TAFA5: variants seen among roughly 807,000 people sequenced by gnomAD.
The protein encoded by TAFA5 is TAFA chemokine like family member 5.
In TAFA5, 6 loss-of-function variants were observed where a neutral mutation model predicts 15.3. The observed-to-expected ratio is 0.39, with a 90% CI of 0.21 to 0.77. The LOEUF (loss-of-function observed/expected upper bound fraction) is 0.77. Among genes scored for constraint, TAFA5 ranks in the 30% least tolerant of loss-of-function variants. TAFA5 has a pLI of 0.41. For missense variants in TAFA5, 161 were observed against 193.1 expected, an observed-to-expected ratio of 0.83 and a Z score of 0.98; for synonymous variants, 103 against 80.7, an observed-to-expected ratio of 1.28 and a Z score of -1.48.
chr22:48,646,656 C>G lies in TAFA5; in HGVS notation c.172C>G (p.Arg58Gly). 1 of 1,612,330 alleles carries G rather than the reference C, an allele frequency of 6.2e-7. No homozygotes were observed. Among genetic ancestry groups the G allele is most frequent in the Non-Finnish European group, 8.5e-7 (1 of 1,179,752 alleles). Reference protein sequence around the residue: ...VTLDRDSSQPRRTIARQTARC... With the variant: ...VTLDRDSSQPGRTIARQTARC... ...CTTGGACCGGGACAGCAGCCAGCCTCGGAGGACGATCGCCCGGCAGACCGC... is the reference window on the plus strand; with the variant it reads ...CTTGGACCGGGACAGCAGCCAGCCTGGGAGGACGATCGCCCGGCAGACCGC... Residue 58 changes from arginine (R) to glycine (G), a missense_variant, in exon 2 of 4, where the codon CGG (arginine) becomes GGG (glycine). Transcript: ENST00000402357.
chr22:48,494,501 G>C (rs1283080280), intron 1 of TAFA5, among the ~76,000 whole-genome samples: 2 of 152,226 alleles, frequency 1.3e-5, no homozygotes, highest in African/African-American at 2.4e-5. Flanking sequence ...CTGTTTGTTA[G>C]GAGAACTGTC....
intron 1 of TAFA5, among the ~76,000 whole-genome samples, chr22:48,609,395 G>C (rs537308627): frequency 1.3e-5 from 2 of 152,308 alleles, no homozygotes; most frequent in East Asian, 1.9e-4. Context: ...ATTGTCTGTG[G>C]TGTGAGACCT....
chr22:48,693,250 A>G lies in TAFA5; in HGVS notation c.263-14467A>G, dbSNP rs536125175. The G allele has an allele frequency of 3.3e-5, 51 of 1,545,028 alleles. 1 individual carries two copies. The South Asian group carries it at 5.8e-4, about 18-fold the overall frequency. ...AGCCTGGCAGGATGAGTCCAGAGCCATGAAAATGCTCAGACCTTTTCATCC... is the reference window on the plus strand; with the variant it reads ...AGCCTGGCAGGATGAGTCCAGAGCCGTGAAAATGCTCAGACCTTTTCATCC... On this transcript the variant is annotated intron_variant, in intron 2 of 3. Coordinates refer to ENST00000402357, the MANE Select transcript of TAFA5 (RefSeq NM_001082967.3).
chr22:48,739,836 C>T (rs1479716158), intron 3 of TAFA5, among the ~76,000 whole-genome samples: 1 of 152,140 alleles, frequency 6.6e-6, no homozygotes, highest in East Asian at 1.9e-4. Flanking sequence ...CCTCCCCGTG[C>T]ATTTGCCGTG....
chr22:48,633,319 G>T (rs1035020506), intron 1 of TAFA5, among the ~76,000 whole-genome samples: 1 of 152,212 alleles, frequency 6.6e-6, no homozygotes, highest in African/African-American at 2.4e-5. Flanking sequence ...GCAGGTGGTC[G>T]TTGCACAGAT....
At chr22:48,673,015 C>G (rs931190978) in intron 2 of TAFA5, among the ~76,000 whole-genome samples, 3 of 152,204 alleles carry the variant, frequency 2.0e-5, no homozygotes, top group African/African-American at 7.2e-5. Flanking sequence ...GACCCCAAGG[C>G]TGATGGCACA....
chr22:48,628,284 GC>G (rs1040354875), intron 1 of TAFA5, among the ~76,000 whole-genome samples: 1 of 152,216 alleles, frequency 6.6e-6, no homozygotes, highest in African/African-American at 2.4e-5. Flanking sequence ...ACGGGACCCA[GC>G]TTGTGGGGGT....
At chr22:48,744,834 A>C (rs1235863698) in intron 3 of TAFA5, among the ~76,000 whole-genome samples, 1 of 151,984 alleles carries the variant, frequency 6.6e-6, no homozygotes, top group Middle Eastern at 3.2e-3. Context: ...ATCTCGGCTC[A>C]CTGCAACCTC....
At chr22:48,727,737 AAAAT>A (rs1383220598) in intron 3 of TAFA5, among the ~76,000 whole-genome samples, 2 of 152,252 alleles carry the variant, frequency 1.3e-5, no homozygotes, top group African/African-American at 2.4e-5. Flanking sequence ...TTAAAAGCAA[AAAAT>A]AAATAAAGAT....
At chr22:48,721,565 T>G (rs1171376937) in intron 3 of TAFA5, among the ~76,000 whole-genome samples, 1 of 152,214 alleles carries the variant, frequency 6.6e-6, no homozygotes, top group East Asian at 1.9e-4. Context: ...GAAAACCTGT[T>G]TTTCTCCTAT....
chr22:48,684,282 T>C (rs1928286770), intron 2 of TAFA5, among the ~76,000 whole-genome samples: 1 of 151,858 alleles, frequency 6.6e-6, no homozygotes, highest in Non-Finnish European at 1.5e-5. Context: ...CTTTGGAGGC[T>C]TTGTGGGGTA....
chr22:48,691,184 C>T (rs13053530), intron 2 of TAFA5, among the ~76,000 whole-genome samples: 2 of 152,168 alleles, frequency 1.3e-5, no homozygotes, highest in African/African-American at 4.8e-5. Context: ...TGTGGGCTTC[C>T]TAAGCTCAAG....
intron 3 of TAFA5, among the ~76,000 whole-genome samples, chr22:48,730,915 C>G (rs1389112373): frequency 1.3e-5 from 2 of 152,144 alleles, no homozygotes; most frequent in Non-Finnish European, 2.9e-5. Flanking sequence ...GCGTCCGTCT[C>G]TCACCTTAAA....
chr22:48,712,942 C>T (rs1386669566), intron 3 of TAFA5, among the ~76,000 whole-genome samples: 2 of 152,242 alleles, frequency 1.3e-5, no homozygotes, highest in Non-Finnish European at 2.9e-5. Flanking sequence ...ACAGACGTTC[C>T]TTGGCTGGGG....
intron 1 of TAFA5, among the ~76,000 whole-genome samples, chr22:48,559,302 T>C (rs1449101295): frequency 2.0e-5 from 3 of 152,154 alleles, no homozygotes; most frequent in African/African-American, 7.2e-5. Context: ...GTGGGCCCCA[T>C]GGTGGAGGGA....
chr22:48,520,495 G>C (rs546945809), intron 1 of TAFA5, among the ~76,000 whole-genome samples: 1 of 152,362 alleles, frequency 6.6e-6, no homozygotes, highest in Admixed American at 6.5e-5. Flanking sequence ...TCTGCAGGTG[G>C]GACACCCTAT....
intron 1 of TAFA5, among the ~76,000 whole-genome samples, chr22:48,516,777 C>A (rs1358427121): frequency 6.6e-6 from 1 of 152,154 alleles, no homozygotes; most frequent in Non-Finnish European, 1.5e-5. Flanking sequence ...TGGCCGCAGC[C>A]CCCAGCCAGG....
At chr22:48,732,260 G>GTTTTGTTTTGT (rs111792121) in intron 3 of TAFA5, among the ~76,000 whole-genome samples, 1 of 150,990 alleles carries the variant, frequency 6.6e-6, no homozygotes, top group Non-Finnish European at 1.5e-5. Context: ...TTGTTGTTTT[G>GTTTTGTTTTGT]TTTTTCTGAG....
chr22:48,726,187 ATTTG>A (rs1310586628), intron 3 of TAFA5, among the ~76,000 whole-genome samples: 1 of 152,202 alleles, frequency 6.6e-6, no homozygotes, highest in Admixed American at 6.5e-5. Context: ...TCTCATTTCT[ATTTG>A]TTTTGTTGTT....
Sources: allele counts gnomAD v4.1 joint callset (sites outside exome capture counted in the v4.1 genomes callset), GRCh38; gene constraint gnomAD v4.1.1; transcripts MANE v1.5; gene names NCBI Gene and HGNC (gene_info 2026-07-23, HGNC 2026-07-21).